Variants in SLC25A15 observed in about 807,000 individuals in gnomAD.
SLC25A15 encodes mitochondrial ornithine transporter 1.
SLC25A15 carries 24 observed loss-of-function variants against 32.3 expected under a neutral mutation model. The ratio of observed to expected loss-of-function variants is 0.74; its 90% CI spans 0.54 to 1.04. The LOEUF is 1.04. Ranked by LOEUF, SLC25A15 falls within the 50% of genes least tolerant of loss-of-function variation. SLC25A15 has a pLI of 0.00. For synonymous variants in SLC25A15, 132 were observed against 142.1 expected (o/e 0.93, Z 0.51); for missense variants, 317 against 374.5 (o/e 0.85, Z 1.27).
At position 40,799,069 on chromosome 13, in the gene SLC25A15, G is replaced by A. The variant is rs772613660; in HGVS notation, c.68G>A (p.Cys23Tyr). 2 of 1,614,210 alleles carry A rather than the reference G, an allele frequency of 1.2e-6. No homozygotes were observed. The highest frequency in any genetic ancestry group is 1.7e-6 in the Non-Finnish European group (2 of 1,180,046). The change falls in exon 3 of 7, where the codon TGT becomes TAT. Residue 23 changes from cysteine (C) to tyrosine (Y), a missense_variant. By Grantham distance (194) the Cys-to-Tyr change is radical. Transcript: ENST00000338625. ...LTAGAAGGTA[C>Y]VLTGQPFDTM... ...GTCCTGATTGCAGGAGGTACAGCAT[G>A]TGTACTGACCGGGCAGCCCTTTGAC...
intron 2 of SLC25A15, among the ~76,000 whole-genome samples, chr13:40,794,634 A>G (rs1593288841): frequency 6.6e-6 from 1 of 152,214 alleles, no homozygotes; most frequent in Non-Finnish European, 1.5e-5. Context: ...TTGGTTCTCC[A>G]GAGTCCAGAA....
chr13:40,798,994 C>G (rs1881768422), intron 2 of SLC25A15, 63 bp from the exon 3 acceptor site: 18 of 1,613,784 alleles, frequency 1.1e-5, no homozygotes, highest in Non-Finnish European at 1.5e-5. Flanking sequence ...CTGCCTGTGC[C>G]TTCCTTCCAT....
At chr13:40,807,515 C>A (rs373477060) in intron 5 of SLC25A15, 52 bp downstream of exon 5, 16 of 1,583,926 alleles carry the variant, frequency 1.0e-5, no homozygotes, top group Non-Finnish European at 1.4e-5. Flanking sequence ...TTGCTCCCTG[C>A]AGGTATGGTT....
At chr13:40,798,933 G>A in intron 2 of SLC25A15, 124 bp from the exon 3 acceptor site, 1 of 1,596,004 alleles carries the variant, frequency 6.3e-7, no homozygotes. Flanking sequence ...GGAAGGTTTT[G>A]GAGGAAAAGA....
At chr13:40,807,207 C>G in intron 4 of SLC25A15, 87 bp from the exon 5 acceptor site, 1 of 1,217,588 alleles carries the variant, frequency 8.2e-7, no homozygotes, top group Non-Finnish European at 1.2e-6. Context: ...AGTGCTTGAT[C>G]AGATCTGTTA....
At chr13:40,796,372 G>A (rs933542191) in intron 2 of SLC25A15, among the ~76,000 whole-genome samples, 2 of 152,172 alleles carry the variant, frequency 1.3e-5, no homozygotes, top group African/African-American at 2.4e-5. Flanking sequence ...AAGAACTTAG[G>A]TGATTAGGTA....
chr13:40,805,399 CAG>C (rs745873583), intron 4 of SLC25A15, 144 bp downstream of exon 4: 34 of 1,011,138 alleles, frequency 3.4e-5, no homozygotes, highest in Non-Finnish European at 5.1e-5. Flanking sequence ...TTTCCCCTAT[CAG>C]AGATTTTCTG....
Position 40,793,324 on chromosome 13 carries a change from A to G in SLC25A15, c.55+43A>G, listed in dbSNP as rs1881575415. On this transcript the variant is annotated intron_variant, in intron 2 of 6. Coordinates refer to ENST00000338625, the MANE Select transcript of SLC25A15 (RefSeq NM_014252.4). The stretch of plus-strand genomic sequence containing the variant: ...ATCACCATGTTTCTGTCGTTGATGG[A>G]TGGTGTATCTGATGGTGGTCCCATG... 5 of 1,517,354 alleles carry G rather than the reference A, an allele frequency of 3.3e-6. No homozygotes were observed. In the African/African-American group the frequency reaches 5.5e-5, roughly 17 times the overall value. The allele number at this position is 1,517,354 out of a possible 1,614,324, so 94.0% of individuals were successfully genotyped here.
Position 40,809,820 on chromosome 13 carries a change from G to T in SLC25A15, c.*153G>T. 1.4e-6 allele frequency: 1 copy of T among 726,318 alleles called. No homozygotes were observed. The highest frequency in any genetic ancestry group is 2.4e-6 in the Non-Finnish European group (1 of 422,638). 45.0% of individuals were successfully genotyped at this position (726,318 alleles called of 1,614,324 possible). A position where few individuals can be genotyped will look rare whatever the true frequency, so the allele number is the denominator to read the frequency against. On this transcript the variant is annotated 3_prime_UTR_variant, in exon 7 of 7. Coordinates refer to ENST00000338625, the MANE Select transcript of SLC25A15 (RefSeq NM_014252.4). ...TCTACCCTACATCTTAAACTTTATG[G>T]AAGAACCTCTATTTTGCATCATATC...
rs1191719509 is a variant in SLC25A15, at chr13:40,809,813, C to T, written c.*146C>T. On this transcript the variant is annotated 3_prime_UTR_variant, in exon 7 of 7. Coordinates refer to ENST00000338625, the MANE Select transcript of SLC25A15 (RefSeq NM_014252.4). ...CTTCCCTTCTACCCTACATCTTAAA[C>T]TTTATGGAAGAACCTCTATTTTGCA... is the stretch of plus-strand genomic sequence containing the variant. 1.7e-5 allele frequency: 13 copies of T among 768,286 alleles called. No individual in the cohort carries two copies. The highest frequency in any genetic ancestry group is 2.6e-5 in the Non-Finnish European group (12 of 456,646). The allele number at this position is 768,286 out of a possible 1,614,324, so 47.6% of individuals were successfully genotyped here. A position where few individuals can be genotyped will look rare whatever the true frequency, so the allele number is the denominator to read the frequency against.
At chr13:40,792,902 G>A (rs748828373) in intron 1 of SLC25A15, among the ~76,000 whole-genome samples, 5 of 152,206 alleles carry the variant, frequency 3.3e-5, no homozygotes, top group Non-Finnish European at 5.9e-5. Flanking sequence ...TTTGGTGTTC[G>A]TTTTTTCAGT....
At chr13:40,801,717 T>C (rs779062010) in intron 3 of SLC25A15, among the ~76,000 whole-genome samples, 2 of 152,264 alleles carry the variant, frequency 1.3e-5, no homozygotes, top group Non-Finnish European at 2.9e-5. Flanking sequence ...GGTTTCAACA[T>C]GACCCAGAAT....
intron 2 of SLC25A15, among the ~76,000 whole-genome samples, chr13:40,798,279 CA>C (rs5803069): frequency 0.082 from 10,059 of 123,154 alleles, 805 homozygotes; most frequent in African/African-American, 0.24. Context: ...GACACCATCT[CA>C]AAAAAAAAAA....
intron 3 of SLC25A15, among the ~76,000 whole-genome samples, chr13:40,803,163 C>T (rs1881967008): frequency 6.6e-6 from 1 of 151,988 alleles, no homozygotes; most frequent in South Asian, 2.1e-4. Flanking sequence ...TCCCATGAAC[C>T]AGGAACTCGC....
intron 3 of SLC25A15, among the ~76,000 whole-genome samples, chr13:40,800,297 C>T (rs957384933): frequency 2.0e-5 from 3 of 152,116 alleles, no homozygotes; most frequent in Admixed American, 1.3e-4. Flanking sequence ...GGACTAGATA[C>T]GATTGCCCAA....
intron 6 of SLC25A15, among the ~76,000 whole-genome samples, chr13:40,808,932 C>CAAAAAAAAA (rs58015661): frequency 2.0e-3 from 161 of 78,696 alleles, no homozygotes; most frequent in Middle Eastern, 9.3e-3. Context: ...GACTCTGTCT[C>CAAAAAAAAA]AAAAAAAAAA....
chr13:40,804,643 G>A (rs368539379), intron 3 of SLC25A15, among the ~76,000 whole-genome samples: 17 of 150,720 alleles, frequency 1.1e-4, no homozygotes, highest in African/African-American at 3.7e-4. Context: ...CTGGGTTCAC[G>A]CCATTCTCCT....
chr13:40,800,085 T>C (rs1412613104), intron 3 of SLC25A15, among the ~76,000 whole-genome samples: 1 of 152,226 alleles, frequency 6.6e-6, no homozygotes, highest in Non-Finnish European at 1.5e-5. Flanking sequence ...AATTATTATA[T>C]AAGCTTCAAG....
intron 3 of SLC25A15, among the ~76,000 whole-genome samples, chr13:40,801,213 G>T (rs1881872039): frequency 6.7e-6 from 1 of 149,112 alleles, no homozygotes; most frequent in Non-Finnish European, 1.5e-5. Context: ...GGGCAACAGA[G>T]CGAGACTGTG....
Sources: gnomAD v4.1 joint callset for allele counts (sites outside exome capture counted in the v4.1 genomes callset) on GRCh38, gnomAD v4.1.1 for gene constraint, MANE v1.5 for transcripts, NCBI Gene and HGNC (gene_info 2026-07-23, HGNC 2026-07-21) for gene names.